EXOC3: variants seen among roughly 807,000 people sequenced by gnomAD.
The protein encoded by EXOC3 is SEC6-like 1.
In EXOC3, 21 loss-of-function variants were observed where a neutral mutation model predicts 73.7. That is an observed-to-expected ratio of 0.29 (90% CI 0.20 to 0.41). EXOC3 has a LOEUF of 0.41. Among genes scored for constraint, EXOC3 ranks in the 10% least tolerant of loss-of-function variants. The pLI is 1.00. For synonymous variants in EXOC3, 410 were observed against 389.1 expected (o/e 1.05, Z -0.63); for missense variants, 842 against 985.1 (o/e 0.85, Z 1.95).
intron 5 of EXOC3, 51 bp downstream of exon 5, chr5:457,057 T>C: frequency 1.5e-6 from 2 of 1,304,868 alleles, no homozygotes; most frequent in South Asian, 1.2e-5. Flanking sequence ...GTTATATGAG[T>C]AACTAGGGCT....
Position 454,162 on chromosome 5 carries a change from T to C in EXOC3, c.1046+111T>C, listed in dbSNP as rs1043299221. 9.2e-6 allele frequency: 8 copies of C among 871,070 alleles called. 1 individual carries two copies. The African/African-American group carries it at 1.4e-4, about 15-fold the overall frequency. The allele number at this position is 871,070 out of a possible 1,614,324, so 54.0% of individuals were successfully genotyped here. On this transcript the variant is annotated intron_variant, in intron 4 of 12. Coordinates refer to ENST00000512944, the MANE Select transcript of EXOC3 (RefSeq NM_007277.5). ...TCAGGGTGTTGCTCTGGGCAGGTGC[T>C]CCGAGCCCACAGCCTTGGTTTCCAG...
intron 9 of EXOC3, among the ~76,000 whole-genome samples, chr5:463,821 A>T (rs773193550): frequency 6.6e-6 from 1 of 152,250 alleles, no homozygotes; most frequent in Admixed American, 6.5e-5. Context: ...ATGTCCATCA[A>T]TAGAGAATTG....
At chr5:446,406 C>T in intron 2 of EXOC3, 57 bp downstream of exon 2, 1 of 1,476,308 alleles carries the variant, frequency 6.8e-7, no homozygotes, top group Non-Finnish European at 9.0e-7. Context: ...TCTTGCTTGA[C>T]ATCACCATGA....
At position 462,143 on chromosome 5, in the gene EXOC3, C is replaced by T. The variant is rs772871065; in HGVS notation, c.1503-14C>T. On this transcript the variant is annotated splice_polypyrimidine_tract_variant and intron_variant, in intron 8 of 12. Coordinates refer to ENST00000512944, the MANE Select transcript of EXOC3 (RefSeq NM_007277.5). ...GCCCAGCCGCTGTGTTGAACCTGAACCCTTTCCTTGCAGGGAATCCATAGT... is the reference window on the plus strand; with the variant it reads ...GCCCAGCCGCTGTGTTGAACCTGAATCCTTTCCTTGCAGGGAATCCATAGT... 6.2e-7 allele frequency: 1 copy of T among 1,613,648 alleles called. No individual in the cohort carries two copies.
chr5:450,490 G>A (rs974114371), intron 3 of EXOC3, among the ~76,000 whole-genome samples: 1 of 152,186 alleles, frequency 6.6e-6, no homozygotes, highest in African/African-American at 2.4e-5. Flanking sequence ...CCATGTGCAC[G>A]TGAGAATAGT....
rs868756300 is a variant in EXOC3 at position 447,534 on chromosome 5, C to T, written c.146C>T (p.Ala49Val). The change falls in exon 3 of 13, where the codon GCC (alanine) becomes GTC (valine). Residue 49 changes from alanine (A) to valine (V), a missense_variant and splice_region_variant. Ala to Val is a moderately conservative substitution (Grantham distance 64, BLOSUM62 0). Coordinates refer to ENST00000512944, the MANE Select transcript of EXOC3 (RefSeq NM_007277.5). ...CACCCGTGTGGCGTCTCTCTTTAGG[C>T]CGCCATCCAGTCACAGTTGGACGGG... ...KKASVEARLK[A>V]AIQSQLDGVR... is the part of the protein sequence containing the mutation. 1.9e-6 allele frequency: 3 copies of T among 1,555,118 alleles called. No individual in the cohort carries two copies. The highest frequency in any genetic ancestry group is 2.7e-5 in the African/African-American group (2 of 73,358).
chr5:466,690 GC>G, intron 12 of EXOC3, 36 bp from the exon 13 acceptor site: 2 of 1,589,446 alleles, frequency 1.3e-6, no homozygotes, highest in Non-Finnish European at 1.7e-6. Flanking sequence ...TCACAGGGCT[GC>G]TAAGTGGGCA....
intron 9 of EXOC3, 141 bp downstream of exon 9, chr5:462,448 C>A (rs1579744531): frequency 3.5e-6 from 3 of 861,264 alleles, no homozygotes; most frequent in Non-Finnish European, 5.5e-6. Flanking sequence ...CCGGTCAGAT[C>A]GCTTAAAGCG....
In EXOC3 at chr5:466,971, G is replaced by A; in HGVS notation, c.*73G>A. On this transcript the variant is annotated 3_prime_UTR_variant, in exon 13 of 13. Transcript: ENST00000512944. ...CTTTAGAAACGCGGGACAGCTGATT[G>A]CTCTCCTTGGCCACACGTGCTCCTT... The A allele has an allele frequency of 6.4e-6, 9 of 1,413,782 alleles. No homozygotes were observed. Among genetic ancestry groups the A allele is most frequent in the Non-Finnish European group, 8.7e-6 (9 of 1,038,438 alleles). The allele number at this position is 1,413,782 out of a possible 1,614,324, so 87.6% of individuals were successfully genotyped here.
At position 467,048 on chromosome 5, in the gene EXOC3, C is replaced by T. The variant is rs78718653; in HGVS notation, c.*150C>T. The stretch of plus-strand genomic sequence containing the variant: ...CCAGTGTGATGCACCGGGTGTGCGT[C>T]GAGTGAGCGTCCCGAGGCCACGTGC... On this transcript the variant is annotated 3_prime_UTR_variant, in exon 13 of 13. Transcript: ENST00000512944. The T allele has an allele frequency of 0.016, 13,292 of 813,738 alleles. 144 individuals carry two copies. The highest frequency in any genetic ancestry group is 0.022 in the Middle Eastern group (59 of 2,718). The allele number at this position is 813,738 out of a possible 1,614,324, so 50.4% of individuals were successfully genotyped here.
At chr5:447,506 G>T in intron 2 of EXOC3, 27 bp from the exon 3 acceptor site, 2 of 1,494,884 alleles carry the variant, frequency 1.3e-6, no homozygotes, top group Non-Finnish European at 1.8e-6. Context: ...CATTGGCTCT[G>T]CTCACCCGTG....
intron 6 of EXOC3, 120 bp from the exon 7 acceptor site, chr5:459,239 C>G: frequency 2.4e-5 from 7 of 296,336 alleles, no homozygotes; most frequent in Middle Eastern, 9.2e-4. Flanking sequence ...TTTTTTTTCT[C>G]TGAATTTGGA....
intron 9 of EXOC3, among the ~76,000 whole-genome samples, chr5:462,912 C>T (rs961284994): frequency 1.3e-5 from 2 of 152,162 alleles, no homozygotes; most frequent in African/African-American, 2.4e-5. Context: ...TCGAGACCAG[C>T]CTGACCAACA....
intron 4 of EXOC3, among the ~76,000 whole-genome samples, chr5:456,018 T>C (rs1398466815): frequency 6.6e-6 from 1 of 152,240 alleles, no homozygotes; most frequent in Non-Finnish European, 1.5e-5. Context: ...TTATCAGTAA[T>C]GTCCTGTATT....
rs1737847196 is a variant in EXOC3, at chr5:457,302, G to A, written c.1164+296G>A. 9.8e-6 allele frequency: 4 copies of A among 406,094 alleles called. No homozygotes were observed. In the South Asian group the frequency reaches 1.1e-4, roughly 11 times the overall value. The allele number at this position is 406,094 out of a possible 1,614,324, so 25.2% of individuals were successfully genotyped here. On this transcript the variant is annotated intron_variant, in intron 5 of 12. Coordinates refer to ENST00000512944, the MANE Select transcript of EXOC3 (RefSeq NM_007277.5). ...GTCTGAACCGTGTGTGGCAGCACCT[G>A]CCAGGCTCTCGGCTCTGAGTCCCAT...
chr5:451,262 G>A lies in EXOC3; in HGVS notation c.365-2108G>A, dbSNP rs116512510. ...TACACTTAACATCTAACATTATCTCGCTTCAGTTTGAATTTATATCAACTT... is the reference window on the plus strand; with the variant it reads ...TACACTTAACATCTAACATTATCTCACTTCAGTTTGAATTTATATCAACTT... On this transcript the variant is annotated intron_variant, in intron 3 of 12. Transcript: ENST00000512944. Among the ~76,000 whole-genome samples the A allele has an allele frequency of 3.1e-3, 465 of 152,082 alleles. 2 individuals carry two copies. The highest frequency in any genetic ancestry group is 4.3e-3 in the Non-Finnish European group (291 of 68,000).
chr5:458,030 C>G lies in EXOC3; in HGVS notation c.1290+5C>G, dbSNP rs1049234855. On this transcript the variant is annotated splice_donor_5th_base_variant and intron_variant, in intron 6 of 12. Coordinates refer to ENST00000512944, the MANE Select transcript of EXOC3 (RefSeq NM_007277.5). The stretch of plus-strand genomic sequence containing the variant: ...CTCCCTGCCATTGTCTTCCAGGTAC[C>G]ACCTGCAGGGGACTGGCACAGTTCC... The G allele has an allele frequency of 2.5e-6, 4 of 1,612,026 alleles. No individual in the cohort carries two copies. Among genetic ancestry groups the G allele is most frequent in the Non-Finnish European group, 3.4e-6 (4 of 1,178,934 alleles).
At chr5:465,049 A>G (rs76667725) in intron 10 of EXOC3, 62 bp from the exon 11 acceptor site, 280,639 of 1,467,998 alleles carry the variant, frequency 0.19, 29,423 homozygotes, top group Non-Finnish European at 0.21. Flanking sequence ...CTGGGTTTCA[A>G]TGAGGGTGCT....
chr5:464,997 G>A (rs537510158), intron 10 of EXOC3, 114 bp from the exon 11 acceptor site: 1 of 1,089,498 alleles, frequency 9.2e-7, no homozygotes, highest in African/African-American at 1.6e-5. Context: ...GAGCGAGGAG[G>A]AGTGGGCTCA....
Sources: gnomAD v4.1 joint callset for allele counts (sites outside exome capture counted in the v4.1 genomes callset) on GRCh38, gnomAD v4.1.1 for gene constraint, MANE v1.5 for transcripts, NCBI Gene and HGNC (gene_info 2026-07-23, HGNC 2026-07-21) for gene names.